The following RAB9B variants were observed in gnomAD, a reference collection of about 807,000 sequenced individuals.
The protein encoded by RAB9B is RAB9B, member RAS oncogene family.
Under a neutral mutation model 8.9 loss-of-function variants are expected in RAB9B, and 1 was observed. That is an observed-to-expected ratio of 0.11 (90% confidence interval 0.04 to 0.53). The LOEUF (loss-of-function observed/expected upper bound fraction) is 0.53. RAB9B is among the 20% of genes least tolerant of loss of function. The pLI, the probability that RAB9B is intolerant of heterozygous loss-of-function variation, is 0.93. For missense variants in RAB9B, 82 were observed against 152.9 expected (o/e 0.54, Z 2.45); for synonymous variants, 63 against 57.0 (o/e 1.10, Z -0.47).
Position 103,825,833 on chromosome X carries a change from A to G in RAB9B, c.-42-7T>C, listed in dbSNP as rs778138694. 4.5e-6 allele frequency: 5 copies of G among 1,104,701 alleles called. No individual in the cohort carries two copies. The highest frequency in any genetic ancestry group is 6.0e-6 in the Non-Finnish European group (5 of 829,601). 91.0% of individuals were successfully genotyped at this position (1,104,701 alleles called of 1,213,427 possible). A position where few individuals can be genotyped will look rare whatever the true frequency, so the allele number is the denominator to read the frequency against. ...AGTTTGTAACCAAGAGAACCTGAAA[A>G]TAAAAGGAAAAGTAGGAGGGAAAAC... On this transcript the variant is annotated splice_region_variant and splice_polypyrimidine_tract_variant and intron_variant, in intron 2 of 2. Transcript: ENST00000243298.
the RAB9B span, among the ~76,000 whole-genome samples, chrX:103,784,777 T>C: frequency 1.8e-5 from 2 of 112,186 alleles, no homozygotes; most frequent in African/African-American, 6.5e-5. Flanking sequence ...TTGAAAATAT[T>C]AGGTCTACTT....
the RAB9B span, chrX:103,790,662 G>A: frequency 4.1e-5 from 34 of 830,444 alleles, no homozygotes; most frequent in Admixed American, 1.1e-4. Context: ...ACAATGCTGC[G>A]TCTCCCATCT....
the RAB9B span, chrX:103,786,552 C>T: frequency 8.3e-7 from 1 of 1,211,376 alleles, no homozygotes; most frequent in Non-Finnish European, 1.1e-6. Context: ...GCTTCTACAC[C>T]ACCGGCGCAG....
At chrX:103,780,696 A>G in the RAB9B span, 1 of 112,052 alleles carries the variant, frequency 8.9e-6, no homozygotes, top group Non-Finnish European at 1.9e-5. Context: ...AGGGATATGT[A>G]GGAAAGACAA....
At chrX:103,820,023 A>G (rs752065816), downstream of RAB9B, among the ~76,000 whole-genome samples, 29 of 111,755 alleles carry the variant, frequency 2.6e-4, no homozygotes, top group Non-Finnish European at 4.0e-4. Context: ...GTGTCCTTAT[A>G]AAAGAGGCCC....
At chrX:103,806,712 T>C in the RAB9B span, among the ~76,000 whole-genome samples, 1 of 111,974 alleles carries the variant, frequency 8.9e-6, no homozygotes, top group Non-Finnish European at 1.9e-5. Flanking sequence ...ACTATTATTA[T>C]TGTTGAATTG....
chrX:103,791,084 G>A, the RAB9B span: 50 of 119,750 alleles, frequency 4.2e-4, no homozygotes, highest in Non-Finnish European at 7.6e-4. Flanking sequence ...TATTACCACT[G>A]AAGATAGAAG....
chrX:103,820,316 GAAA>G (rs1369497666), downstream of RAB9B, among the ~76,000 whole-genome samples: 1 of 111,632 alleles, frequency 9.0e-6, no homozygotes, highest in Non-Finnish European at 1.9e-5. Flanking sequence ...AGCAAAGAGA[GAAA>G]AAAAGTGAAA....
rs1002003656 is a variant in RAB9B at position 103,824,507 on chromosome X, C to T, written c.*672G>A. On this transcript the variant is annotated 3_prime_UTR_variant, in exon 3 of 3. Coordinates refer to ENST00000243298, the MANE Select transcript of RAB9B (RefSeq NM_016370.4). Reference sequence around the variant, plus strand: ...TAAGCATAATCCATTCACTAGTATCCTATGACTTCAAACACAAGAAGTATA... The same window carrying T: ...TAAGCATAATCCATTCACTAGTATCTTATGACTTCAAACACAAGAAGTATA... The T allele has an allele frequency of 8.9e-6, 1 of 112,230 alleles. No homozygotes were observed. The highest frequency in any genetic ancestry group is 1.9e-5 in the Non-Finnish European group (1 of 53,251). The allele number at this position is 112,230 out of a possible 1,213,427, so 9.2% of individuals were successfully genotyped here. A position where few individuals can be genotyped will look rare whatever the true frequency, so the allele number is the denominator to read the frequency against.
intron 1 of RAB9B, 46 bp downstream of exon 1, chrX:103,832,013 TC>T (rs1569436577): frequency 8.9e-6 from 1 of 111,966 alleles, no homozygotes. Flanking sequence ...GCCTTCCGGG[TC>T]CTCCAGCCCC....
Position 103,825,277 on chromosome X carries a change from T to C in RAB9B, c.508A>G (p.Arg170Gly). Residue 170 changes from arginine to glycine, a missense_variant, in exon 3 of 3, where the codon AGG (arginine) becomes GGG (glycine). Transcript: ENST00000243298. The stretch of plus-strand genomic sequence containing the variant: ...TGTTCCTCTACAGCCAGCACCTGCC[T>C]GACAGCTTCTTCAAAGGCCACTGTC... ...NVTVAFEEAV[R>G]QVLAVEEQLE... The C allele has an allele frequency of 8.3e-7, 1 of 1,211,821 alleles. No individual in the cohort carries two copies. The highest frequency in any genetic ancestry group is 1.1e-6 in the Non-Finnish European group (1 of 895,468).
chrX:103,811,746 T>G, the RAB9B span, among the ~76,000 whole-genome samples: 4 of 111,140 alleles, frequency 3.6e-5, no homozygotes, highest in Non-Finnish European at 7.5e-5. Context: ...GAAATACAGC[T>G]AATAACAAAA....
the RAB9B span, among the ~76,000 whole-genome samples, chrX:103,793,475 T>C: frequency 8.9e-6 from 1 of 112,071 alleles, no homozygotes; most frequent in Non-Finnish European, 1.9e-5. Context: ...TAACCACAAT[T>C]AATATTCTGC....
At chrX:103,797,721 G>A in the RAB9B span, among the ~76,000 whole-genome samples, 1 of 111,104 alleles carries the variant, frequency 9.0e-6, no homozygotes, top group Admixed American at 9.6e-5. Context: ...GTTGGCAGAT[G>A]GCCACTTGGC....
chrX:103,813,745 C>CAAAAAAAAAAAAAAAAAAAAAAA, the RAB9B span, among the ~76,000 whole-genome samples: 5 of 8,541 alleles, frequency 5.9e-4, 2 homozygotes, highest in Non-Finnish European at 9.6e-4. Context: ...AAATGGAAAG[C>CAAAAAAAAAAAAAAAAAAAAAAA]AAAAAAAAAA....
In RAB9B at chrX:103,825,683, G is replaced by A; in HGVS notation, c.102C>T (p.Ser34=). ...MNRYVTNKFD[S]QAFHTIGVEF... is the part of the protein sequence containing the mutation. ...CTACCCCTATGGTGTGAAAAGCCTG[G>A]GAGTCAAATTTGTTGGTTACGTAAC... The change falls in exon 3 of 3, where the codon TCC becomes TCT. Residue 34 remains serine, a synonymous_variant. Coordinates refer to ENST00000243298, the MANE Select transcript of RAB9B (RefSeq NM_016370.4). The A allele has an allele frequency of 3.3e-6, 4 of 1,210,300 alleles. No individual in the cohort carries two copies. Among genetic ancestry groups the A allele is most frequent in the Admixed American group, 4.4e-5 (2 of 45,933 alleles).
the RAB9B span, chrX:103,787,565 C>T: frequency 2.3e-6 from 1 of 440,880 alleles, no homozygotes; most frequent in Non-Finnish European, 4.0e-6. Flanking sequence ...CAGGGATCCT[C>T]CTCACTCTTC....
the RAB9B span, among the ~76,000 whole-genome samples, chrX:103,798,674 A>C: frequency 9.9e-6 from 1 of 100,669 alleles, no homozygotes. Context: ...ATGGAGTCTC[A>C]CTCTGTCACC....
chrX:103,782,525 G>A, the RAB9B span, among the ~76,000 whole-genome samples: 1 of 111,831 alleles, frequency 8.9e-6, no homozygotes, highest in East Asian at 2.8e-4. Context: ...GATGATTGAG[G>A]GATCAGATAC....
Sources: allele counts gnomAD v4.1 joint callset (sites outside exome capture counted in the v4.1 genomes callset), GRCh38; gene constraint gnomAD v4.1.1; transcripts MANE v1.5; gene names NCBI Gene and HGNC (gene_info 2026-07-23, HGNC 2026-07-21).